Variants in LRP1B observed in about 807,000 individuals in gnomAD.
LRP1B encodes low-density lipoprotein receptor-related protein 1B.
A neutral mutation model predicts 556.6 loss-of-function variants in LRP1B; 217 were observed. The ratio of observed to expected loss-of-function variants is 0.39; its 90% CI spans 0.35 to 0.44. The LOEUF (loss-of-function observed/expected upper bound fraction) is 0.44, where lower values mean the gene tolerates loss of function less well. Ranked by LOEUF, LRP1B falls within the 20% of genes least tolerant of loss-of-function variation. The pLI, the probability that LRP1B is intolerant of heterozygous loss-of-function variation, is 1.00. For synonymous variants in LRP1B, 2,047 were observed against 1,865.8 expected (o/e 1.10, Z -2.50); for missense variants, 5,053 against 5,620.8 (o/e 0.90, Z 3.23).
chr2:141,711,216 T>C (rs980729532), intron 2 of LRP1B, among the ~76,000 whole-genome samples: 1 of 152,120 alleles, frequency 6.6e-6, no homozygotes, highest in East Asian at 1.9e-4. Context: ...CACCCATGTA[T>C]GGTGTGCCAA....
intron 41 of LRP1B, among the ~76,000 whole-genome samples, chr2:140,627,813 C>T (rs748673905): frequency 5.9e-5 from 9 of 152,168 alleles, no homozygotes; most frequent in Non-Finnish European, 1.0e-4. Context: ...ATCTGTAAGA[C>T]ACTCTTTGCC....
At chr2:140,305,537 T>C (rs34371331) in intron 83 of LRP1B, among the ~76,000 whole-genome samples, 11,034 of 152,256 alleles carry the variant, frequency 0.072, 453 homozygotes, top group Middle Eastern at 0.14. Flanking sequence ...GCTTATTAGC[T>C]TAAGGGGATT....
At chr2:141,358,685 G>A (rs565825576) in intron 3 of LRP1B, among the ~76,000 whole-genome samples, 82 of 152,208 alleles carry the variant, frequency 5.4e-4, no homozygotes, top group Admixed American at 1.3e-3. Context: ...TTAGGACTTG[G>A]ACAGTGACTA....
chr2:140,414,418 G>A (rs182305777), intron 66 of LRP1B, among the ~76,000 whole-genome samples: 23 of 151,808 alleles, frequency 1.5e-4, no homozygotes, highest in African/African-American at 5.1e-4. Context: ...TTCTGATCTC[G>A]TTAGCTTAAG....
chr2:140,720,731 CACTCT>C (rs1280010660), intron 35 of LRP1B, among the ~76,000 whole-genome samples: 4 of 152,096 alleles, frequency 2.6e-5, no homozygotes, highest in African/African-American at 9.7e-5. Context: ...TCTGTGAAAA[CACTCT>C]ACTCTACGTT....
At chr2:140,294,629 T>C (rs188284592) in intron 84 of LRP1B, among the ~76,000 whole-genome samples, 1 of 152,270 alleles carries the variant, frequency 6.6e-6, no homozygotes, top group African/African-American at 2.4e-5. Context: ...TTGGTGTGGT[T>C]TTACTAGAAT....
intron 41 of LRP1B, among the ~76,000 whole-genome samples, chr2:140,650,879 A>G (rs964201654): frequency 6.6e-6 from 1 of 152,144 alleles, no homozygotes; most frequent in Non-Finnish European, 1.5e-5. Context: ...TCTAGACTAA[A>G]AAACACAACA....
chr2:140,247,138 T>C lies in LRP1B; in HGVS notation c.13272A>G (p.Thr4424=). 6.2e-7 allele frequency: 1 copy of C among 1,609,198 alleles called. No homozygotes were observed. Among genetic ancestry groups the C allele is most frequent in the African/African-American group, 1.3e-5 (1 of 74,796 alleles). The change falls in exon 87 of 91, where the codon ACA becomes ACG. Residue 4424 remains threonine, a synonymous_variant. Transcript: ENST00000389484. ...VCLCSTNWSG[T]QCERPAPKSS... is the part of the protein sequence containing the mutation. ...TCTTTGGGGCTGGCCTTTCACACTG[T>C]GTGCCTGACCAGTTGGTGGAGCATC...
chr2:141,580,155 A>G (rs1299845930), intron 2 of LRP1B, among the ~76,000 whole-genome samples: 1 of 152,224 alleles, frequency 6.6e-6, no homozygotes, highest in African/African-American at 2.4e-5. Flanking sequence ...TGGACATTAA[A>G]AAATTATCAT....
At chr2:140,534,373 T>C (rs1259710702) in intron 46 of LRP1B, among the ~76,000 whole-genome samples, 1 of 152,138 alleles carries the variant, frequency 6.6e-6, no homozygotes, top group East Asian at 1.9e-4. Context: ...TTCCGGGAGA[T>C]CTTTTCAAGT....
At chr2:141,504,136 G>T (rs193253768) in intron 2 of LRP1B, among the ~76,000 whole-genome samples, 3 of 152,036 alleles carry the variant, frequency 2.0e-5, no homozygotes, top group Non-Finnish European at 2.9e-5. Flanking sequence ...TGACACACTC[G>T]TATTTTTTGT....
At chr2:141,850,655 T>TGTGTGTGA (rs1343394382) in intron 1 of LRP1B, among the ~76,000 whole-genome samples, 2 of 145,258 alleles carry the variant, frequency 1.4e-5, no homozygotes, top group African/African-American at 5.1e-5. Flanking sequence ...TGTGTGTGTG[T>TGTGTGTGA]GAGCATGTAC....
At chr2:141,259,969 C>T (rs1288352967) in intron 3 of LRP1B, among the ~76,000 whole-genome samples, 1 of 152,078 alleles carries the variant, frequency 6.6e-6, no homozygotes, top group African/African-American at 2.4e-5. Context: ...GTTATCCTGC[C>T]ATATCGTATA....
chr2:141,385,540 A>T (rs1225767977), intron 3 of LRP1B, among the ~76,000 whole-genome samples: 3 of 152,206 alleles, frequency 2.0e-5, no homozygotes, highest in Non-Finnish European at 4.4e-5. Flanking sequence ...GCAGAACAAG[A>T]GCAGCATGCA....
At chr2:141,815,597 C>G (rs1294001427) in intron 1 of LRP1B, among the ~76,000 whole-genome samples, 1 of 152,086 alleles carries the variant, frequency 6.6e-6, no homozygotes, top group Non-Finnish European at 1.5e-5. Flanking sequence ...TAAAATGCAC[C>G]AATCAGCAGG....
intron 35 of LRP1B, among the ~76,000 whole-genome samples, chr2:140,761,124 A>G (rs1194993930): frequency 6.6e-6 from 1 of 152,176 alleles, no homozygotes; most frequent in South Asian, 2.1e-4. Flanking sequence ...TGCCTAAAGG[A>G]CTTCTCCAGT....
In LRP1B at chr2:141,005,440, C is replaced by T. The variant is rs1000731057; in HGVS notation, c.2398G>A (p.Val800Ile). The change falls in exon 15 of 91, where the codon GTA becomes ATA. Residue 800 changes from valine to isoleucine, a missense_variant. By Grantham distance (29) the Val-to-Ile change is conservative. Around this residue, in one of 5 missense-constraint regions of LRP1B, gnomAD observed 3,619 missense variants for 3,931.9 expected, o/e 0.92. Coordinates refer to ENST00000389484, the MANE Select transcript of LRP1B (RefSeq NM_018557.3). Reference sequence around the variant, plus strand: ...AGTGTACTACAGCCCCCATTATTTACTCGGCACATATTGTCACCTGCAAGA... The same window carrying T: ...AGTGTACTACAGCCCCCATTATTTATTCGGCACATATTGTCACCTGCAAGA... ...RKQQGDNMCR[V>I]NNGGCSTLCL... is the part of the protein sequence containing the mutation. The T allele has an allele frequency of 2.5e-6, 4 of 1,610,762 alleles. No homozygotes were observed. The highest frequency in any genetic ancestry group is 3.4e-6 in the Non-Finnish European group (4 of 1,177,800).
intron 2 of LRP1B, among the ~76,000 whole-genome samples, chr2:141,682,854 A>C (rs1224638577): frequency 6.6e-6 from 1 of 152,194 alleles, no homozygotes; most frequent in East Asian, 1.9e-4. Flanking sequence ...TTTAAGATTC[A>C]TAATGTGAAT....
intron 84 of LRP1B, among the ~76,000 whole-genome samples, chr2:140,275,523 G>T (rs1682634500): frequency 6.6e-6 from 1 of 151,964 alleles, no homozygotes. Flanking sequence ...CCCTGCACCA[G>T]ACTTTAGTGT....
Sources: gnomAD v4.1 joint callset for allele counts (sites outside exome capture counted in the v4.1 genomes callset) on GRCh38, gnomAD v4.1.1 for gene constraint, gnomAD v4.1.1 regional missense constraint, MANE v1.5 for transcripts, NCBI Gene and HGNC (gene_info 2026-07-23, HGNC 2026-07-21) for gene names.